Variants in SHQ1 observed in about 807,000 individuals in gnomAD.
SHQ1 encodes the protein SHQ1, H/ACA ribonucleoprotein assembly factor, also known as protein SHQ1 homolog.
SHQ1 carries 49 observed loss-of-function variants against 53.8 expected under a neutral mutation model. The observed-to-expected ratio is 0.91, with a 90% CI of 0.72 to 1.16. The LOEUF is 1.16. SHQ1 is among the 50% of genes most tolerant of loss of function. The pLI is 0.00. For missense variants in SHQ1, 738 were observed against 683.1 expected (o/e 1.08, Z -0.90); for synonymous variants, 243 against 251.0 (o/e 0.97, Z 0.30).
chr3:72,803,132 G>A (rs929384614), intron 9 of SHQ1, among the ~76,000 whole-genome samples: 3 of 152,158 alleles, frequency 2.0e-5, no homozygotes, highest in Non-Finnish European at 4.4e-5. Flanking sequence ...ACTGAAAACT[G>A]GGGGCCTCCC....
In SHQ1 at chr3:72,830,620, G is replaced by A. The variant is rs562610535; in HGVS notation, c.599+1749C>T. On this transcript the variant is annotated intron_variant, in intron 5 of 10. Transcript: ENST00000325599. The stretch of plus-strand genomic sequence containing the variant: ...GTCAGTCAGCTAATATAAATAGTGA[G>A]TAGTAACACAAAAATTACACTGAGC... Among the ~76,000 whole-genome samples, 9 of 151,824 alleles carry A rather than the reference G, an allele frequency of 5.9e-5. No homozygotes were observed. The South Asian group carries it at 1.9e-3, about 31-fold the overall frequency.
intron 4 of SHQ1, among the ~76,000 whole-genome samples, chr3:72,833,602 A>T (rs1297547666): frequency 6.6e-6 from 1 of 152,206 alleles, no homozygotes; most frequent in Non-Finnish European, 1.5e-5. Context: ...GATGCACAGT[A>T]TATGACTTTC....
chr3:72,814,298 A>C (rs1257879807), intron 8 of SHQ1, among the ~76,000 whole-genome samples: 1 of 152,236 alleles, frequency 6.6e-6, no homozygotes, highest in East Asian at 1.9e-4. Flanking sequence ...CCTCTATTAT[A>C]TGCTGATCAT....
rs114124347 is a variant in SHQ1 at position 72,781,899 on chromosome 3, A to G, written c.1181+11017T>C. On this transcript the variant is annotated intron_variant, in intron 10 of 10. Transcript: ENST00000325599. ...AAAAATAATTATAGGTAGAAGGTCT[A>G]TTACAGTTTTCCTATACCCCAAAAA... 2.9e-3 allele frequency among the ~76,000 whole-genome samples: 446 copies of G among 152,306 alleles called. 3 individuals are homozygous for G. The highest frequency in any genetic ancestry group is 0.01 in the African/African-American group (427 of 41,558).
At chr3:72,815,860 T>C (rs1707296899) in intron 7 of SHQ1, among the ~76,000 whole-genome samples, 2 of 152,154 alleles carry the variant, frequency 1.3e-5, no homozygotes, top group African/African-American at 2.4e-5. Flanking sequence ...AATAAGTAAA[T>C]GCTAGAGAAG....
chr3:72,848,349 C>T lies in SHQ1; in HGVS notation c.-9G>A, dbSNP rs758207798. On this transcript the variant is annotated 5_prime_UTR_variant, in exon 1 of 11. Coordinates refer to ENST00000325599, the MANE Select transcript of SHQ1 (RefSeq NM_018130.3). Reference sequence around the variant, plus strand: ...AACGCCGGGGTCAGCATCGCCGCACCGGACGCAAGGGCCGGCGCCGCTCGC... The same window carrying T: ...AACGCCGGGGTCAGCATCGCCGCACTGGACGCAAGGGCCGGCGCCGCTCGC... The T allele has an allele frequency of 3.7e-6, 6 of 1,613,470 alleles. No homozygotes were observed. Among genetic ancestry groups the T allele is most frequent in the Non-Finnish European group, 8.5e-7 (1 of 1,179,706 alleles).
Position 72,750,012 on chromosome 3 carries a change from C to CA in SHQ1, c.*271dup. On this transcript the variant is annotated 3_prime_UTR_variant, in exon 11 of 11. Coordinates refer to ENST00000325599, the MANE Select transcript of SHQ1 (RefSeq NM_018130.3). The stretch of plus-strand genomic sequence containing the variant: ...TCATCACTAGATTACTTATATTACC[C>CA]AATACAATGTAAATGCTGTGGAAAT... The CA allele has an allele frequency of 2.4e-6, 1 of 424,840 alleles. No individual in the cohort carries two copies. The highest frequency in any genetic ancestry group is 4.2e-6 in the Non-Finnish European group (1 of 238,238). The allele number at this position is 424,840 out of a possible 1,614,324, so 26.3% of individuals were successfully genotyped here.
chr3:72,741,367 C>A, the SHQ1 span, among the ~76,000 whole-genome samples: 3 of 152,046 alleles, frequency 2.0e-5, no homozygotes, highest in Non-Finnish European at 4.4e-5. Flanking sequence ...AGGTGGATCA[C>A]CTGAGGTCAG....
chr3:72,737,585 G>A, the SHQ1 span, among the ~76,000 whole-genome samples: 1 of 152,166 alleles, frequency 6.6e-6, no homozygotes, highest in African/African-American at 2.4e-5. Context: ...GATAAAAATT[G>A]GCATAGAAGT....
At chr3:72,781,544 C>A (rs184832354) in intron 10 of SHQ1, among the ~76,000 whole-genome samples, 1 of 152,184 alleles carries the variant, frequency 6.6e-6, no homozygotes, top group Admixed American at 6.5e-5. Flanking sequence ...TTTTGGTGCA[C>A]CATTTTATTA....
intron 9 of SHQ1, among the ~76,000 whole-genome samples, chr3:72,798,468 C>A (rs989558503): frequency 6.6e-6 from 1 of 152,088 alleles, no homozygotes; most frequent in South Asian, 2.1e-4. Context: ...CACAGAGAAA[C>A]GTAATGACAA....
intron 9 of SHQ1, chr3:72,793,673 TTAGA>T (rs1414016631): frequency 6.6e-6 from 1 of 152,188 alleles, no homozygotes; most frequent in Non-Finnish European, 1.5e-5. Flanking sequence ...ATAATTTTTA[TTAGA>T]TAATGTTCTT....
intron 10 of SHQ1, among the ~76,000 whole-genome samples, chr3:72,765,557 A>ATATATATATATATTTT (rs1491527508): frequency 4.5e-4 from 26 of 57,184 alleles, no homozygotes; most frequent in African/African-American, 2.0e-3. Context: ...ATATATATAT[A>ATATATATATATATTTT]TTTTTTTTTT....
chr3:72,783,689 G>T (rs1706140847), intron 10 of SHQ1, among the ~76,000 whole-genome samples: 1 of 152,110 alleles, frequency 6.6e-6, no homozygotes, highest in African/African-American at 2.4e-5. Context: ...AATGATAAAT[G>T]AATTATGTTT....
At position 72,751,317 on chromosome 3, in the gene SHQ1, G is replaced by A. The variant is rs28669731; in HGVS notation, c.1182-481C>T. 4.2e-4 allele frequency among the ~76,000 whole-genome samples: 64 copies of A among 151,850 alleles called. No individual in the cohort carries two copies. In the East Asian group the frequency reaches 8.1e-3, roughly 19 times the overall value. On this transcript the variant is annotated intron_variant, in intron 10 of 10. Transcript: ENST00000325599. ...ATCCCAGCCACTTGGGTGGAGGGGG[G>A]GCTGAGGCAGGAGAATCACTTGAAT...
the SHQ1 span, among the ~76,000 whole-genome samples, chr3:72,733,821 A>G: frequency 3.5e-4 from 53 of 151,638 alleles, 1 homozygote; most frequent in South Asian, 1.5e-3. Context: ...TTAGTTGCCA[A>G]TGCCAACACT....
chr3:72,769,988 G>C (rs559973395), intron 10 of SHQ1, among the ~76,000 whole-genome samples: 2 of 152,160 alleles, frequency 1.3e-5, no homozygotes, highest in African/African-American at 4.8e-5. Flanking sequence ...TTCATATGGG[G>C]CTTGTGAGAT....
the SHQ1 span, among the ~76,000 whole-genome samples, chr3:72,732,854 CA>C: frequency 6.6e-6 from 1 of 151,544 alleles, no homozygotes; most frequent in Non-Finnish European, 1.5e-5. Flanking sequence ...GAACCGCCCC[CA>C]CTGAGCCCAG....
chr3:72,786,431 T>G (rs969563732), intron 10 of SHQ1, among the ~76,000 whole-genome samples: 5 of 152,200 alleles, frequency 3.3e-5, no homozygotes, highest in Non-Finnish European at 5.9e-5. Context: ...CTAGCCTCAC[T>G]TCTTTCCTAT....
Sources: gnomAD v4.1 joint callset for allele counts (sites outside exome capture counted in the v4.1 genomes callset) on GRCh38, gnomAD v4.1.1 for gene constraint, MANE v1.5 for transcripts, NCBI Gene and HGNC (gene_info 2026-07-23, HGNC 2026-07-21) for gene names.